SYCP2: variants seen among roughly 807,000 people sequenced by gnomAD.
The protein encoded by SYCP2 is synaptonemal complex lateral element protein.
In SYCP2, 55 loss-of-function variants were observed where a neutral mutation model predicts 211.3. The ratio of observed to expected loss-of-function variants is 0.26; its 90% CI spans 0.21 to 0.33. SYCP2 has a LOEUF of 0.33. SYCP2 is among the 10% of genes least tolerant of loss of function. The pLI, the probability that SYCP2 is intolerant of heterozygous loss-of-function variation, is 1.00. For missense variants in SYCP2, 1,731 were observed against 1,752.0 expected (o/e 0.99, Z 0.21); for synonymous variants, 570 against 555.2 (o/e 1.03, Z -0.37).
chr20:59,922,423 A>AT lies in SYCP2; in HGVS notation c.-11dup. ...CTGGTCTTATTGGCATTTTGACTTCATTTAAAAAAAAAAAAAAAGCAAGAC... is the reference window on the plus strand; with the variant it reads ...CTGGTCTTATTGGCATTTTGACTTCATTTTAAAAAAAAAAAAAAAGCAAGAC... On this transcript the variant is annotated 5_prime_UTR_variant, in exon 3 of 45. It adds an upstream start codon to the 5' untranslated region. Coordinates refer to ENST00000357552, the MANE Select transcript of SYCP2 (RefSeq NM_014258.4). The AT allele has an allele frequency of 1.3e-6, 2 of 1,544,720 alleles. No individual in the cohort carries two copies. Among genetic ancestry groups the AT allele is most frequent in the African/African-American group, 1.4e-5 (1 of 70,432 alleles).
At chr20:59,876,719 G>A (rs2059567838) in intron 33 of SYCP2, among the ~76,000 whole-genome samples, 1 of 151,896 alleles carries the variant, frequency 6.6e-6, no homozygotes, top group Non-Finnish European at 1.5e-5. Flanking sequence ...AATCTGTAAA[G>A]TGCTTAATAT....
chr20:59,880,469 A>C lies in SYCP2; in HGVS notation c.2775T>G (p.Ile925Met). 1 of 1,538,448 alleles carries C rather than the reference A, an allele frequency of 6.5e-7. No individual in the cohort carries two copies. The highest frequency in any genetic ancestry group is 2.3e-5 in the East Asian group (1 of 43,084). ...GATTTTTCTTTTGATGATTTGTTAT[A>C]ATCTATAAAAAAAAGTTTGAAATGC... ...KSSVKTKDKKIITNHQKKNLF... is the reference protein window; with the variant it reads ...KSSVKTKDKKMITNHQKKNLF... Residue 925 changes from isoleucine (I) to methionine (M), a missense_variant and splice_region_variant, in exon 31 of 45, where the codon ATT (isoleucine) becomes ATG (methionine). Physicochemically the swap from Ile to Met is conservative, Grantham distance 10 (BLOSUM62 1). This residue lies in a region of SYCP2 where 1,387 missense variants were observed against 1,351.3 expected (regional missense o/e 1.03). Transcript: ENST00000357552.
chr20:59,902,523 T>C (rs574516968), intron 15 of SYCP2, among the ~76,000 whole-genome samples: 7 of 152,084 alleles, frequency 4.6e-5, no homozygotes, highest in Non-Finnish European at 1.0e-4. Flanking sequence ...CTGCCCACAA[T>C]GTACTTTCGG....
intron 18 of SYCP2, 172 bp downstream of exon 18, chr20:59,899,966 A>G: frequency 1.4e-6 from 1 of 691,978 alleles, no homozygotes; most frequent in Non-Finnish European, 2.4e-6. Flanking sequence ...ACAATTTGCT[A>G]AGACACACAC....
chr20:59,899,607 T>C (rs1423602762), intron 18 of SYCP2, among the ~76,000 whole-genome samples: 2 of 152,090 alleles, frequency 1.3e-5, no homozygotes, highest in Admixed American at 6.6e-5. Context: ...AAGGGAACCG[T>C]GGTATACAAT....
intron 1 of SYCP2, 141 bp downstream of exon 1, chr20:59,933,428 C>G (rs1044961194): frequency 1.3e-5 from 2 of 152,270 alleles, no homozygotes; most frequent in African/African-American, 2.4e-5. Context: ...GCACCCCCTC[C>G]CCCTCGGCAG....
At chr20:59,929,909 A>T (rs2060703452) in intron 2 of SYCP2, among the ~76,000 whole-genome samples, 1 of 152,128 alleles carries the variant, frequency 6.6e-6, no homozygotes, top group African/African-American at 2.4e-5. Context: ...GACTGAGAAT[A>T]CAATTGATTA....
intron 18 of SYCP2, 168 bp downstream of exon 18, chr20:59,899,970 C>A: frequency 1.4e-6 from 1 of 714,612 alleles, no homozygotes; most frequent in Non-Finnish European, 2.3e-6. Context: ...TTTGCTAAGA[C>A]ACACACTATC....
intron 2 of SYCP2, among the ~76,000 whole-genome samples, chr20:59,923,756 T>C (rs1050593678): frequency 6.6e-6 from 1 of 151,528 alleles, no homozygotes; most frequent in Non-Finnish European, 1.5e-5. Context: ...ACTAAATGAG[T>C]AGTGAAAGAA....
intron 30 of SYCP2, 41 bp downstream of exon 30, chr20:59,880,925 A>G (rs1816714755): frequency 6.6e-6 from 6 of 914,784 alleles, no homozygotes; most frequent in Non-Finnish European, 9.5e-6. Context: ...AATTAAGAGA[A>G]ATACTACTTC....
At chr20:59,880,181 C>T (rs1002229061) in intron 31 of SYCP2, 122 bp downstream of exon 31, 47 of 733,594 alleles carry the variant, frequency 6.4e-5, no homozygotes, top group Admixed American at 2.6e-4. Context: ...GTGTTTTGTC[C>T]TATCCATGAA....
At chr20:59,887,670 T>C (rs2059819770) in intron 24 of SYCP2, among the ~76,000 whole-genome samples, 1 of 151,356 alleles carries the variant, frequency 6.6e-6, no homozygotes. Context: ...TTAACAGAAC[T>C]GTACAGAGTG....
chr20:59,902,531 C>T (rs933521078), intron 15 of SYCP2, among the ~76,000 whole-genome samples: 16 of 152,040 alleles, frequency 1.1e-4, no homozygotes, highest in Admixed American at 3.9e-4. Flanking sequence ...AATGTACTTT[C>T]GGGCAAGAGA....
At chr20:59,892,787 TGAAAGC>T in intron 22 of SYCP2, 86 bp from the exon 23 acceptor site, 1 of 1,235,062 alleles carries the variant, frequency 8.1e-7, no homozygotes, top group Non-Finnish European at 1.1e-6. Context: ...CAACGTTTAC[TGAAAGC>T]GATTACTTAT....
intron 5 of SYCP2, among the ~76,000 whole-genome samples, chr20:59,919,864 C>A (rs997194601): frequency 2.6e-5 from 4 of 150,976 alleles, no homozygotes; most frequent in African/African-American, 9.7e-5. Context: ...AGTTAGGGTA[C>A]GTTTATTATA....
chr20:59,909,320 A>T (rs1379466632), intron 14 of SYCP2, among the ~76,000 whole-genome samples: 1 of 152,216 alleles, frequency 6.6e-6, no homozygotes, highest in African/African-American at 2.4e-5. Context: ...TCTTTTTAAA[A>T]AATTACAAAC....
chr20:59,873,842 A>G lies in SYCP2; in HGVS notation c.3555+14T>C. 6.3e-7 allele frequency: 1 copy of G among 1,588,552 alleles called. No individual in the cohort carries two copies. The highest frequency in any genetic ancestry group is 8.6e-7 in the Non-Finnish European group (1 of 1,167,836). On this transcript the variant is annotated intron_variant, in intron 35 of 44. Transcript: ENST00000357552. The stretch of plus-strand genomic sequence containing the variant: ...ATATATCTGATAAAGAGAAAAATAT[A>G]TATACATTCTCACCAAAAACAGTGG...
At chr20:59,875,548 A>T in intron 33 of SYCP2, 79 bp from the exon 34 acceptor site, 1 of 1,077,202 alleles carries the variant, frequency 9.3e-7, no homozygotes, top group East Asian at 2.6e-5. Flanking sequence ...TTATATTCAA[A>T]TATTTATTAA....
chr20:59,878,502 A>AAAGTT (rs1313391268), intron 31 of SYCP2, among the ~76,000 whole-genome samples: 9 of 152,162 alleles, frequency 5.9e-5, no homozygotes, highest in Non-Finnish European at 1.0e-4. Context: ...CATAAGTTAA[A>AAAGTT]AAGTTAACAC....
Sources: gnomAD v4.1 joint callset for allele counts (sites outside exome capture counted in the v4.1 genomes callset) on GRCh38, gnomAD v4.1.1 for gene constraint, gnomAD v4.1.1 regional missense constraint, MANE v1.5 for transcripts, NCBI Gene and HGNC (gene_info 2026-07-23, HGNC 2026-07-21) for gene names.